SNX24: variants seen among roughly 807,000 people sequenced by gnomAD.
SNX24 encodes the protein sorting nexin 24, also known as sorting nexin-24.
A neutral mutation model predicts 28.7 loss-of-function variants in SNX24; 22 were observed. The ratio of observed to expected loss-of-function variants is 0.77; its 90% CI spans 0.55 to 1.10. The LOEUF (loss-of-function observed/expected upper bound fraction) is 1.10. Among genes scored for constraint, SNX24 ranks in the 50% least tolerant of loss-of-function variants. SNX24 has a pLI of 0.00. For synonymous variants in SNX24, 69 were observed against 71.5 expected, an observed-to-expected ratio of 0.96 and a Z score of 0.18; for missense variants, 221 against 201.1, an observed-to-expected ratio of 1.10 and a Z score of -0.60.
At chr5:122,855,899 C>T (rs1415696629) in intron 1 of SNX24, among the ~76,000 whole-genome samples, 19 of 152,132 alleles carry the variant, frequency 1.2e-4, no homozygotes, top group Admixed American at 3.9e-4. Context: ...GGGAGAGAGA[C>T]AGGGAATTGC....
intron 3 of SNX24, among the ~76,000 whole-genome samples, chr5:122,993,897 C>T (rs544812175): frequency 3.3e-5 from 5 of 152,236 alleles, no homozygotes; most frequent in South Asian, 2.1e-4. Context: ...CCCCAGCAGC[C>T]GGACATTTCA....
At chr5:123,025,845 A>C in intron 5 of SNX24, 1 of 1,614,176 alleles carries the variant, frequency 6.2e-7, no homozygotes, top group Non-Finnish European at 8.5e-7. Flanking sequence ...GGGCTTGGTC[A>C]AGGTGATAAA....
At chr5:122,847,782 C>G (rs1754710443) in intron 1 of SNX24, among the ~76,000 whole-genome samples, 1 of 152,152 alleles carries the variant, frequency 6.6e-6, no homozygotes. Context: ...GCATGAGCCA[C>G]CACACCCAGC....
chr5:123,010,623 A>T (rs1242797086), downstream of SNX24, among the ~76,000 whole-genome samples: 1 of 152,174 alleles, frequency 6.6e-6, no homozygotes, highest in Non-Finnish European at 1.5e-5. Context: ...TTGAAAATTT[A>T]ATAAAAAATA....
rs1005553135 is a variant in SNX24 at position 122,937,373 on chromosome 5, G to A, written c.144+556G>A. Among the ~76,000 whole-genome samples, 4 of 152,230 alleles carry A rather than the reference G, an allele frequency of 2.6e-5. No homozygotes were observed. The South Asian group carries it at 8.3e-4, about 32-fold the overall frequency. ...TTACAAAACTGATGTTTCAGCACTAGGATACACTTCTTTAAAAGTCTTAGA... is the reference window on the plus strand; with the variant it reads ...TTACAAAACTGATGTTTCAGCACTAAGATACACTTCTTTAAAAGTCTTAGA... On this transcript the variant is annotated intron_variant, in intron 2 of 6. Transcript: ENST00000261369.
At chr5:122,902,648 A>G (rs552207248) in intron 1 of SNX24, among the ~76,000 whole-genome samples, 8 of 152,152 alleles carry the variant, frequency 5.3e-5, no homozygotes, top group East Asian at 1.9e-4. Context: ...GAATCTTCCT[A>G]TTGGCCAGTA....
At chr5:122,941,948 C>T (rs1172368667) in intron 2 of SNX24, among the ~76,000 whole-genome samples, 1 of 152,136 alleles carries the variant, frequency 6.6e-6, no homozygotes, top group Non-Finnish European at 1.5e-5. Context: ...GGCACAGGCT[C>T]CTGTGACAGG....
chr5:122,915,380 A>G (rs142197417), intron 1 of SNX24, among the ~76,000 whole-genome samples: 54 of 152,264 alleles, frequency 3.5e-4, no homozygotes, highest in African/African-American at 1.2e-3. Context: ...AAGCCCAGCA[A>G]CTTGGGAGGC....
At chr5:123,007,342 T>A (rs1255966105) in intron 6 of SNX24, among the ~76,000 whole-genome samples, 2 of 152,246 alleles carry the variant, frequency 1.3e-5, no homozygotes, top group African/African-American at 4.8e-5. Flanking sequence ...TGAGATTTTG[T>A]TAGAAATTGA....
At chr5:122,954,255 T>C (rs1022862517) in intron 3 of SNX24, among the ~76,000 whole-genome samples, 4 of 151,900 alleles carry the variant, frequency 2.6e-5, no homozygotes, top group African/African-American at 9.7e-5. Flanking sequence ...TTAAGTATTC[T>C]GTTTATTAAT....
rs556826973 is a variant in SNX24 at position 122,960,968 on chromosome 5, A to G, written c.249+14809A>G. On this transcript the variant is annotated intron_variant, in intron 3 of 6. Transcript: ENST00000261369. ...TTAATGGTGTTTTCTCATCATTCAT[A>G]TAATTATGGATGTCTATATAAGTAA... 9.8e-5 allele frequency among the ~76,000 whole-genome samples: 15 copies of G among 152,340 alleles called. No individual in the cohort carries two copies. In the East Asian group the frequency reaches 2.9e-3, roughly 29 times the overall value.
At chr5:122,976,341 G>A (rs1299425885) in intron 3 of SNX24, among the ~76,000 whole-genome samples, 1 of 148,720 alleles carries the variant, frequency 6.7e-6, no homozygotes, top group Non-Finnish European at 1.5e-5. Flanking sequence ...TTTTATGATT[G>A]GAGTTGTTTA....
chr5:122,932,521 A>C (rs1359510603), intron 1 of SNX24, among the ~76,000 whole-genome samples: 1 of 152,178 alleles, frequency 6.6e-6, no homozygotes, highest in Non-Finnish European at 1.5e-5. Flanking sequence ...TTTATGTGAG[A>C]TATTTGGAAT....
downstream of SNX24, among the ~76,000 whole-genome samples, chr5:123,010,305 T>C (rs1297688635): frequency 1.3e-5 from 2 of 152,064 alleles, no homozygotes; most frequent in Admixed American, 6.5e-5. Context: ...TTTTTTTTTT[T>C]TTGAAGACGG....
intron 5 of SNX24, among the ~76,000 whole-genome samples, chr5:123,016,562 G>A (rs1030823433): frequency 6.6e-6 from 1 of 152,188 alleles, no homozygotes; most frequent in African/African-American, 2.4e-5. Flanking sequence ...AGAGTGGACT[G>A]GACAGGCTCA....
chr5:122,939,401 C>G (rs951652968), intron 2 of SNX24, among the ~76,000 whole-genome samples: 1 of 152,144 alleles, frequency 6.6e-6, no homozygotes, highest in Non-Finnish European at 1.5e-5. Flanking sequence ...TGTGCTTTCT[C>G]ATTTATCTGC....
chr5:122,893,487 A>T (rs1305880322), intron 1 of SNX24, among the ~76,000 whole-genome samples: 1 of 152,164 alleles, frequency 6.6e-6, no homozygotes, highest in Non-Finnish European at 1.5e-5. Flanking sequence ...ACTAAGAAAT[A>T]TGCTTATTTT....
chr5:122,847,307 T>A (rs1475834226), intron 1 of SNX24, among the ~76,000 whole-genome samples: 2 of 152,220 alleles, frequency 1.3e-5, no homozygotes, highest in Non-Finnish European at 2.9e-5. Context: ...ATCTTTTTAT[T>A]ATTTGTATTT....
chr5:122,856,109 C>G (rs1475886763), intron 1 of SNX24, among the ~76,000 whole-genome samples: 1 of 152,158 alleles, frequency 6.6e-6, no homozygotes, highest in Non-Finnish European at 1.5e-5. Flanking sequence ...TTGATCTTCT[C>G]CCTTCTGCCT....
Sources: allele counts gnomAD v4.1 joint callset (sites outside exome capture counted in the v4.1 genomes callset), GRCh38; gene constraint gnomAD v4.1.1; transcripts MANE v1.5; gene names NCBI Gene and HGNC (gene_info 2026-07-23, HGNC 2026-07-21).